Variants in USP24 observed in about 807,000 individuals in gnomAD.
USP24 encodes the protein ubiquitin carboxyl-terminal hydrolase 24.
A neutral mutation model predicts 361.6 loss-of-function variants in USP24; 97 were observed. The observed-to-expected ratio is 0.27, with a 90% CI of 0.23 to 0.32. The LOEUF (loss-of-function observed/expected upper bound fraction) is 0.32. USP24 is among the 10% of genes least tolerant of loss of function. USP24 has a pLI of 1.00. For synonymous variants in USP24, 1,098 were observed against 1,124.6 expected (o/e 0.98, Z 0.47); for missense variants, 2,353 against 3,165.6 (o/e 0.74, Z 6.16).
chr1:55,080,102 C>T (rs1225355500), intron 59 of USP24, among the ~76,000 whole-genome samples: 1 of 152,214 alleles, frequency 6.6e-6, no homozygotes, highest in Non-Finnish European at 1.5e-5. Context: ...TTCTGTTCCT[C>T]AAACAACTGT....
chr1:55,182,045 ACTT>A (rs993445018), intron 1 of USP24, among the ~76,000 whole-genome samples: 41 of 152,110 alleles, frequency 2.7e-4, no homozygotes, highest in African/African-American at 9.6e-4. Flanking sequence ...AACTCTAATG[ACTT>A]CTTTTTTATT....
intron 20 of USP24, among the ~76,000 whole-genome samples, chr1:55,145,430 G>T (rs1647002447): frequency 6.6e-6 from 1 of 152,218 alleles, no homozygotes; most frequent in Admixed American, 6.5e-5. Flanking sequence ...CACAGTGTAT[G>T]ACTCCATTCA....
At chr1:55,119,677 T>G (rs1646223589) in intron 38 of USP24, among the ~76,000 whole-genome samples, 1 of 152,004 alleles carries the variant, frequency 6.6e-6, no homozygotes, top group Admixed American at 6.6e-5. Flanking sequence ...GTCTTTTGCT[T>G]AATAATTTAT....
At chr1:55,178,701 A>C (rs1220534768) in intron 1 of USP24, among the ~76,000 whole-genome samples, 1 of 124,200 alleles carries the variant, frequency 8.1e-6, no homozygotes, top group Admixed American at 7.3e-5. Context: ...ATAAATAAAT[A>C]AATAAATAAA....
intron 1 of USP24, among the ~76,000 whole-genome samples, chr1:55,189,523 C>T (rs1259915911): frequency 2.0e-5 from 3 of 152,110 alleles, no homozygotes; most frequent in African/African-American, 7.2e-5. Context: ...TCACAATAGG[C>T]AAATCCATAG....
chr1:55,075,992 C>T (rs537662616), intron 62 of USP24, among the ~76,000 whole-genome samples: 3 of 151,964 alleles, frequency 2.0e-5, no homozygotes, highest in African/African-American at 7.2e-5. Flanking sequence ...AAACAAAAAA[C>T]CCAATACAAA....
chr1:55,155,655 G>A (rs1287142636), intron 12 of USP24, among the ~76,000 whole-genome samples: 1 of 152,146 alleles, frequency 6.6e-6, no homozygotes, highest in Non-Finnish European at 1.5e-5. Flanking sequence ...GTAATGCTGG[G>A]CTGGGAGCCT....
intron 39 of USP24, among the ~76,000 whole-genome samples, chr1:55,107,841 CAAA>C (rs777328294): frequency 2.1e-4 from 8 of 38,246 alleles, no homozygotes; most frequent in Non-Finnish European, 2.7e-4. Flanking sequence ...GACTCTGTCT[CAAA>C]AAAAAAAAAA....
At chr1:55,212,953 T>G (rs1169545251) in intron 1 of USP24, among the ~76,000 whole-genome samples, 1 of 152,200 alleles carries the variant, frequency 6.6e-6, no homozygotes, top group Non-Finnish European at 1.5e-5. Flanking sequence ...TACTTACATG[T>G]ACTGGCAGTA....
At chr1:55,129,682 G>T (rs1424941757) in intron 31 of USP24, 108 bp from the exon 32 acceptor site, 2 of 758,316 alleles carry the variant, frequency 2.6e-6, no homozygotes, top group Non-Finnish European at 2.1e-6. Flanking sequence ...TTTAAATGTT[G>T]CACACTGTTT....
intron 39 of USP24, among the ~76,000 whole-genome samples, chr1:55,107,854 A>AAC (rs1557570196): frequency 2.7e-5 from 4 of 148,714 alleles, no homozygotes; most frequent in African/African-American, 1.0e-4. Flanking sequence ...AAAAAAAAAA[A>AAC]AAAAAAAAAA....
At chr1:55,134,533 G>C (rs1646680170) in intron 28 of USP24, 120 bp from the exon 29 acceptor site, 1 of 836,220 alleles carries the variant, frequency 1.2e-6, no homozygotes, top group South Asian at 1.6e-5. Context: ...TGTAAAGCTT[G>C]AGGGAAGCAC....
At position 55,068,860 on chromosome 1, in the gene USP24, A is replaced by G. The variant is rs940412900; in HGVS notation, c.*185T>C. ...ACATGCCGGAGTTCTCCCACTGCCA[A>G]ACAGCTCCCAAACCTTCTAGTGGCT... On this transcript the variant is annotated 3_prime_UTR_variant, in exon 68 of 68. Transcript: ENST00000294383. The G allele has an allele frequency of 1.6e-6, 1 of 609,372 alleles. No homozygotes were observed. 37.7% of individuals were successfully genotyped at this position (609,372 alleles called of 1,614,324 possible). A position where few individuals can be genotyped will look rare whatever the true frequency, so the allele number is the denominator to read the frequency against.
At chr1:55,204,450 T>C (rs1229324628) in intron 1 of USP24, among the ~76,000 whole-genome samples, 2 of 151,904 alleles carry the variant, frequency 1.3e-5, no homozygotes, top group Non-Finnish European at 2.9e-5. Flanking sequence ...ACATTCTGTA[T>C]ATTCCATGAC....
intron 23 of USP24, 26 bp from the exon 24 acceptor site, chr1:55,141,757 C>A: frequency 6.4e-7 from 1 of 1,569,160 alleles, no homozygotes; most frequent in East Asian, 2.3e-5. Context: ...CAGTCATTCT[C>A]TATCAGGGTT....
intron 58 of USP24, among the ~76,000 whole-genome samples, chr1:55,081,941 T>C (rs1278347794): frequency 6.6e-6 from 1 of 152,256 alleles, no homozygotes; most frequent in Non-Finnish European, 1.5e-5. Flanking sequence ...AGCTGAATTA[T>C]AGTGAATTTA....
intron 38 of USP24, among the ~76,000 whole-genome samples, chr1:55,116,469 G>A (rs1646119585): frequency 6.6e-6 from 1 of 151,858 alleles, no homozygotes; most frequent in Non-Finnish European, 1.5e-5. Flanking sequence ...ACTAAACTCA[G>A]AAATGAAAGT....
At chr1:55,108,555 G>C (rs1645857632) in intron 39 of USP24, among the ~76,000 whole-genome samples, 1 of 152,164 alleles carries the variant, frequency 6.6e-6, no homozygotes, top group Non-Finnish European at 1.5e-5. Flanking sequence ...GCTAGTATAG[G>C]CACTGGCTTA....
At chr1:55,114,825 T>C (rs559216640) in intron 38 of USP24, among the ~76,000 whole-genome samples, 14 of 152,162 alleles carry the variant, frequency 9.2e-5, no homozygotes, top group Non-Finnish European at 1.8e-4. Context: ...ATTCAGGACA[T>C]AGGCATGGGC....
Sources: allele counts gnomAD v4.1 joint callset (sites outside exome capture counted in the v4.1 genomes callset), GRCh38; gene constraint gnomAD v4.1.1; transcripts MANE v1.5; gene names NCBI Gene and HGNC (gene_info 2026-07-23, HGNC 2026-07-21).